ZNF385D: variants seen among roughly 807,000 people sequenced by gnomAD.
The protein encoded by ZNF385D is zinc finger protein 385D.
ZNF385D carries 15 observed loss-of-function variants against 35.8 expected under a neutral mutation model. That is an observed-to-expected ratio of 0.42 (90% CI 0.28 to 0.64). ZNF385D has a LOEUF of 0.64. Among genes scored for constraint, ZNF385D ranks in the 30% least tolerant of loss-of-function variants. The pLI is 0.23. For synonymous variants in ZNF385D, 212 were observed against 186.8 expected (o/e 1.13, Z -1.10); for missense variants, 474 against 494.6 (o/e 0.96, Z 0.39).
intron 3 of ZNF385D, among the ~76,000 whole-genome samples, chr3:21,803,325 T>A (rs966810364): frequency 1.3e-5 from 2 of 152,336 alleles, no homozygotes; most frequent in African/African-American, 2.4e-5. Flanking sequence ...TTCACTATTA[T>A]CATCTTCCTT....
chr3:21,498,512 C>G (rs1706095946), intron 4 of ZNF385D, among the ~76,000 whole-genome samples: 1 of 151,852 alleles, frequency 6.6e-6, no homozygotes, highest in Admixed American at 6.6e-5. Context: ...AATTTACAAG[C>G]AAAAAACAAG....
At chr3:22,306,043 G>C (rs1703193800) in intron 2 of ZNF385D, among the ~76,000 whole-genome samples, 2 of 152,094 alleles carry the variant, frequency 1.3e-5, no homozygotes, top group African/African-American at 4.8e-5. Flanking sequence ...ACCAAAATTT[G>C]AAAAATGTCT....
intron 3 of ZNF385D, among the ~76,000 whole-genome samples, chr3:21,978,038 T>G (rs1301066397): frequency 1.3e-5 from 2 of 152,186 alleles, no homozygotes; most frequent in Non-Finnish European, 2.9e-5. Context: ...GTGACACTAC[T>G]AAAGAATTCA....
chr3:22,022,570 A>T (rs1697291178), intron 3 of ZNF385D, among the ~76,000 whole-genome samples: 1 of 152,154 alleles, frequency 6.6e-6, no homozygotes. Flanking sequence ...ATTTATCATA[A>T]ATTCCTGTTT....
intron 2 of ZNF385D, among the ~76,000 whole-genome samples, chr3:21,652,073 C>G (rs946466052): frequency 6.6e-6 from 1 of 152,174 alleles, no homozygotes; most frequent in Non-Finnish European, 1.5e-5. Context: ...TTACTAATCT[C>G]TTTTACCTTC....
chr3:22,126,182 G>A (rs1703415303), intron 3 of ZNF385D, among the ~76,000 whole-genome samples: 1 of 151,486 alleles, frequency 6.6e-6, no homozygotes, highest in South Asian at 2.1e-4. Flanking sequence ...TATGATTTTT[G>A]TCCCTCATTC....
chr3:22,302,093 T>C (rs981431034), intron 2 of ZNF385D, among the ~76,000 whole-genome samples: 1 of 152,058 alleles, frequency 6.6e-6, no homozygotes, highest in African/African-American at 2.4e-5. Context: ...TGTCTCCTTA[T>C]GCACACAGCA....
intron 3 of ZNF385D, among the ~76,000 whole-genome samples, chr3:22,072,503 G>T (rs1700276215): frequency 6.6e-6 from 1 of 152,054 alleles, no homozygotes; most frequent in Non-Finnish European, 1.5e-5. Flanking sequence ...GGTACTGAAA[G>T]AAGTATTATA....
intron 2 of ZNF385D, among the ~76,000 whole-genome samples, chr3:22,276,337 G>C (rs528971043): frequency 6.6e-6 from 1 of 152,084 alleles, no homozygotes; most frequent in South Asian, 2.1e-4. Flanking sequence ...ATTTATAATA[G>C]CCACTCGTTA....
intron 2 of ZNF385D, among the ~76,000 whole-genome samples, chr3:22,331,103 C>G (rs1018222369): frequency 1.3e-5 from 2 of 152,182 alleles, no homozygotes; most frequent in Non-Finnish European, 2.9e-5. Flanking sequence ...GTCCTCTGTT[C>G]TAAATTTACC....
intron 3 of ZNF385D, among the ~76,000 whole-genome samples, chr3:21,530,057 T>C (rs781435546): frequency 6.6e-6 from 1 of 152,074 alleles, no homozygotes; most frequent in Non-Finnish European, 1.5e-5. Context: ...TATTAGTTCA[T>C]GCAAGAGCTG....
At chr3:21,786,282 G>A (rs369027049) in intron 3 of ZNF385D, among the ~76,000 whole-genome samples, 2 of 152,090 alleles carry the variant, frequency 1.3e-5, no homozygotes, top group Admixed American at 6.5e-5. Context: ...TGTGTCCTAC[G>A]CACGGCATGC....
At chr3:22,345,686 G>A (rs116595598) in intron 2 of ZNF385D, among the ~76,000 whole-genome samples, 3,052 of 152,282 alleles carry the variant, frequency 0.02, 50 homozygotes, top group Non-Finnish European at 0.032. Context: ...GTGAAACCCA[G>A]ATGCCCCCCT....
At chr3:21,785,942 T>C (rs1292285687) in intron 3 of ZNF385D, among the ~76,000 whole-genome samples, 2 of 152,264 alleles carry the variant, frequency 1.3e-5, no homozygotes, top group Non-Finnish European at 1.5e-5. Flanking sequence ...GCAACCAAGC[T>C]TGACCTTGGT....
At chr3:21,467,967 G>A (rs1398901811) in intron 4 of ZNF385D, among the ~76,000 whole-genome samples, 1 of 152,050 alleles carries the variant, frequency 6.6e-6, no homozygotes. Context: ...GTACAAATAA[G>A]ACTTGTCTAC....
At chr3:21,815,279 A>T (rs906676852) in intron 3 of ZNF385D, among the ~76,000 whole-genome samples, 1 of 152,236 alleles carries the variant, frequency 6.6e-6, no homozygotes, top group Non-Finnish European at 1.5e-5. Context: ...AAAGAACTAG[A>T]GAAGCAAGAG....
intron 1 of ZNF385D, among the ~76,000 whole-genome samples, chr3:21,725,305 C>T (rs1183448912): frequency 6.6e-6 from 1 of 151,864 alleles, no homozygotes; most frequent in African/African-American, 2.4e-5. Context: ...ATTCAAAAGC[C>T]AGCAGAAGGC....
intron 3 of ZNF385D, among the ~76,000 whole-genome samples, chr3:21,921,222 CA>C (rs11387962): frequency 0.025 from 1,730 of 68,866 alleles, 18 homozygotes; most frequent in African/African-American, 0.076. Flanking sequence ...GACTCCATCT[CA>C]AAAAAAAAAA....
chr3:22,365,873 A>G (rs1310968758), intron 2 of ZNF385D, among the ~76,000 whole-genome samples: 6 of 152,210 alleles, frequency 3.9e-5, no homozygotes, highest in African/African-American at 1.2e-4. Context: ...AAATTTGCCA[A>G]AGGAAACTGT....
Sources: gnomAD v4.1 joint callset for allele counts (sites outside exome capture counted in the v4.1 genomes callset) on GRCh38, gnomAD v4.1.1 for gene constraint, MANE v1.5 for transcripts, NCBI Gene and HGNC (gene_info 2026-07-23, HGNC 2026-07-21) for gene names.